CSMD2: variants seen among roughly 807,000 people sequenced by gnomAD.
CSMD2 encodes the protein CUB and sushi domain-containing protein 2.
CSMD2 carries 130 observed loss-of-function variants against 398.5 expected under a neutral mutation model. The ratio of observed to expected loss-of-function variants is 0.33; its 90% CI spans 0.28 to 0.38. The LOEUF (loss-of-function observed/expected upper bound fraction) is 0.38, where lower values mean the gene tolerates loss of function less well. Among genes scored for constraint, CSMD2 ranks in the 10% least tolerant of loss-of-function variants. The pLI, the probability that CSMD2 is intolerant of heterozygous loss-of-function variation, is 1.00. For synonymous variants in CSMD2, 1,828 were observed against 1,908.5 expected (o/e 0.96, Z 1.10); for missense variants, 3,829 against 4,764.9 (o/e 0.80, Z 5.78).
At chr1:33,919,539 G>A (rs1643873757) in intron 4 of CSMD2, among the ~76,000 whole-genome samples, 1 of 152,200 alleles carries the variant, frequency 6.6e-6, no homozygotes, top group Admixed American at 6.5e-5. Context: ...GTGCAGAAAT[G>A]TAAGATATAC....
At chr1:33,698,519 C>T (rs776903272) in intron 24 of CSMD2, among the ~76,000 whole-genome samples, 2 of 152,150 alleles carry the variant, frequency 1.3e-5, no homozygotes, top group African/African-American at 2.4e-5. Context: ...GCTAAATGTG[C>T]GACAAAGGCA....
chr1:33,760,841 A>C (rs555304752), intron 13 of CSMD2, among the ~76,000 whole-genome samples: 4 of 151,928 alleles, frequency 2.6e-5, no homozygotes, highest in Non-Finnish European at 5.9e-5. Flanking sequence ...TGTATCTCCT[A>C]GTCTTAATCA....
chr1:33,872,434 C>T (rs753929188), intron 5 of CSMD2, among the ~76,000 whole-genome samples: 21 of 151,960 alleles, frequency 1.4e-4, no homozygotes, highest in Non-Finnish European at 2.2e-4. Context: ...TCAGAAAGAT[C>T]AAAAGATCAT....
chr1:34,121,883 T>C (rs945421280), intron 1 of CSMD2, among the ~76,000 whole-genome samples: 9 of 151,994 alleles, frequency 5.9e-5, no homozygotes, highest in African/African-American at 1.9e-4. Context: ...GAGACTTCAC[T>C]ATTGCTGCTG....
At chr1:33,680,148 CTTTTTTTT>C (rs34735969) in intron 25 of CSMD2, among the ~76,000 whole-genome samples, 1 of 88,536 alleles carries the variant, frequency 1.1e-5, no homozygotes, top group Non-Finnish European at 2.1e-5. Flanking sequence ...ATGGCCTCGC[CTTTTTTTT>C]TTTTTTTTTT....
At chr1:33,720,390 G>T (rs1646320283) in intron 19 of CSMD2, among the ~76,000 whole-genome samples, 1 of 152,154 alleles carries the variant, frequency 6.6e-6, no homozygotes, top group African/African-American at 2.4e-5. Flanking sequence ...GGGGAGAAGA[G>T]CCCAACCTAG....
At chr1:33,911,380 T>C (rs1643435226) in intron 5 of CSMD2, among the ~76,000 whole-genome samples, 1 of 152,204 alleles carries the variant, frequency 6.6e-6, no homozygotes, top group Non-Finnish European at 1.5e-5. Flanking sequence ...AGATATCTAG[T>C]TAAACGTCAC....
intron 3 of CSMD2, among the ~76,000 whole-genome samples, chr1:34,026,919 C>T (rs1649726237): frequency 6.6e-6 from 1 of 152,146 alleles, no homozygotes; most frequent in Admixed American, 6.5e-5. Flanking sequence ...AAACCAAGAT[C>T]AACACATCTG....
At chr1:33,983,178 G>T (rs1227195183) in intron 3 of CSMD2, among the ~76,000 whole-genome samples, 1 of 152,150 alleles carries the variant, frequency 6.6e-6, no homozygotes, top group Non-Finnish European at 1.5e-5. Flanking sequence ...TGGAGGCAGG[G>T]AGCTGCTTAG....
chr1:33,677,280 C>A (rs904053395), intron 25 of CSMD2, among the ~76,000 whole-genome samples: 2 of 152,060 alleles, frequency 1.3e-5, no homozygotes, highest in African/African-American at 2.4e-5. Context: ...AACAAACAAC[C>A]CCATCAAAAA....
At chr1:33,951,237 G>A (rs1401436486) in intron 3 of CSMD2, among the ~76,000 whole-genome samples, 1 of 152,198 alleles carries the variant, frequency 6.6e-6, no homozygotes, top group Non-Finnish European at 1.5e-5. Flanking sequence ...TTGTCTAAAT[G>A]TTAGGGACAT....
At chr1:33,617,677 G>T in intron 37 of CSMD2, 60 bp from the exon 38 acceptor site, 3 of 1,275,250 alleles carry the variant, frequency 2.4e-6, no homozygotes, top group Non-Finnish European at 3.4e-6. Context: ...TCAACGTGGC[G>T]GTAGGCTGGG....
chr1:34,059,739 TGAAC>T (rs1450139568), intron 2 of CSMD2, among the ~76,000 whole-genome samples: 1 of 152,140 alleles, frequency 6.6e-6, no homozygotes, highest in African/African-American at 2.4e-5. Context: ...AATGAATGAA[TGAAC>T]GAATGAACAC....
intron 25 of CSMD2, among the ~76,000 whole-genome samples, chr1:33,690,210 TC>T (rs1234742558): frequency 6.6e-6 from 1 of 152,104 alleles, no homozygotes; most frequent in East Asian, 1.9e-4. Context: ...ACCCACCAAA[TC>T]GCAGGTGATC....
At chr1:33,734,493 T>C (rs1646820421) in intron 15 of CSMD2, among the ~76,000 whole-genome samples, 1 of 151,978 alleles carries the variant, frequency 6.6e-6, no homozygotes, top group Non-Finnish European at 1.5e-5. Context: ...ATTTAAAAAA[T>C]GAAAATACAG....
intron 3 of CSMD2, among the ~76,000 whole-genome samples, chr1:33,971,069 A>G (rs1005807375): frequency 6.6e-6 from 1 of 152,092 alleles, no homozygotes; most frequent in African/African-American, 2.4e-5. Context: ...TCATTACTAG[A>G]ACCATTATCA....
At chr1:34,127,193 C>A (rs986397686) in intron 1 of CSMD2, among the ~76,000 whole-genome samples, 1 of 152,092 alleles carries the variant, frequency 6.6e-6, no homozygotes, top group Non-Finnish European at 1.5e-5. Flanking sequence ...GCATCCGACC[C>A]CCCAGGTCCC....
chr1:34,126,033 T>A (rs999905986), intron 1 of CSMD2, among the ~76,000 whole-genome samples: 3 of 152,090 alleles, frequency 2.0e-5, no homozygotes, highest in African/African-American at 7.2e-5. Flanking sequence ...CCAACAGACA[T>A]CACTGCAGGG....
chr1:33,904,935 C>T (rs111678323), intron 5 of CSMD2, among the ~76,000 whole-genome samples: 12,742 of 151,948 alleles, frequency 0.084, 1,819 homozygotes, highest in African/African-American at 0.29. Flanking sequence ...CATGAGCCAC[C>T]GTGTCCAGCC....
Sources: gnomAD v4.1 joint callset for allele counts (sites outside exome capture counted in the v4.1 genomes callset) on GRCh38, gnomAD v4.1.1 for gene constraint, MANE v1.5 for transcripts, NCBI Gene and HGNC (gene_info 2026-07-23, HGNC 2026-07-21) for gene names.